The following SRGAP1 variants were observed in gnomAD, a reference collection of about 807,000 sequenced individuals.
The protein encoded by SRGAP1 is SLIT-ROBO Rho GTPase activating protein 1, also known as SLIT-ROBO Rho GTPase-activating protein 1.
In SRGAP1, 43 loss-of-function variants were observed where a neutral mutation model predicts 121.9. The observed-to-expected ratio is 0.35, with a 90% CI of 0.28 to 0.46. The LOEUF (loss-of-function observed/expected upper bound fraction) is 0.46. SRGAP1 is among the 20% of genes least tolerant of loss of function. The probability of loss-of-function intolerance (pLI) is 1.00; values close to 1 mark genes in which losing one functional copy is unlikely to be tolerated. For synonymous variants in SRGAP1, 447 were observed against 485.4 expected (o/e 0.92, Z 1.04); for missense variants, 1,102 against 1,350.9 (o/e 0.82, Z 2.89).
At chr12:64,104,695 G>A (rs534438388) in intron 15 of SRGAP1, among the ~76,000 whole-genome samples, 5 of 152,280 alleles carry the variant, frequency 3.3e-5, no homozygotes, top group Admixed American at 1.3e-4. Flanking sequence ...AGAGGCCTTC[G>A]AGACGAACAG....
At chr12:63,868,057 T>TATATATATA (rs56697634) in intron 1 of SRGAP1, among the ~76,000 whole-genome samples, 24 of 55,936 alleles carry the variant, frequency 4.3e-4, no homozygotes, top group Non-Finnish European at 6.3e-4. Flanking sequence ...TATATATATA[T>TATATATATA]TTTTTTTTTT....
At chr12:64,052,186 A>C (rs2035249773) in intron 6 of SRGAP1, among the ~76,000 whole-genome samples, 1 of 152,150 alleles carries the variant, frequency 6.6e-6, no homozygotes, top group Non-Finnish European at 1.5e-5. Context: ...ATATTGAATT[A>C]TGTCTATGGA....
At chr12:64,135,957 C>T (rs982917960) in intron 21 of SRGAP1, among the ~76,000 whole-genome samples, 5 of 152,186 alleles carry the variant, frequency 3.3e-5, no homozygotes, top group African/African-American at 1.2e-4. Context: ...AACTTGGAGT[C>T]TGATGTTTAA....
rs564842459 is a variant in SRGAP1 at position 64,084,346 on chromosome 12, G to T, written c.1409-2653G>T. ...TGGCTTATATGTTGGGGGGTGTGGC[G>T]AGGGGAAGGAGTGGTCCGTTGTTTT... On this transcript the variant is annotated intron_variant, in intron 10 of 21. Coordinates refer to ENST00000355086, the MANE Select transcript of SRGAP1 (RefSeq NM_020762.4). 6.4e-5 allele frequency among the ~76,000 whole-genome samples: 9 copies of T among 140,634 alleles called. 1 individual carries two copies. The Admixed American group carries it at 6.6e-4, about 10-fold the overall frequency. The allele number at this position is 140,634 out of a possible 152,430, so 92.3% of individuals were successfully genotyped here.
intron 15 of SRGAP1, among the ~76,000 whole-genome samples, chr12:64,105,884 C>T (rs2036337352): frequency 6.6e-6 from 1 of 152,118 alleles, no homozygotes; most frequent in Non-Finnish European, 1.5e-5. Flanking sequence ...TGGGATTTGA[C>T]AAATATTAAA....
At chr12:63,896,181 A>G (rs1213626751) in intron 1 of SRGAP1, among the ~76,000 whole-genome samples, 1 of 152,202 alleles carries the variant, frequency 6.6e-6, no homozygotes, top group Admixed American at 6.5e-5. Context: ...TGGGGGTTAA[A>G]TGATCTATTA....
At chr12:63,945,267 G>GTT (rs1555243104) in intron 1 of SRGAP1, among the ~76,000 whole-genome samples, 2 of 144,954 alleles carry the variant, frequency 1.4e-5, no homozygotes, top group South Asian at 2.2e-4. Context: ...CTTTCTGTTT[G>GTT]TTTTTTTTTT....
chr12:63,977,115 A>C (rs2033116192), intron 1 of SRGAP1, among the ~76,000 whole-genome samples: 1 of 152,050 alleles, frequency 6.6e-6, no homozygotes, highest in South Asian at 2.1e-4. Context: ...CAAAATTTGC[A>C]CCTGGTGTTT....
chr12:64,133,747 C>A (rs2036819665), intron 21 of SRGAP1, among the ~76,000 whole-genome samples: 1 of 152,170 alleles, frequency 6.6e-6, no homozygotes, highest in Non-Finnish European at 1.5e-5. Flanking sequence ...GGCCATGATT[C>A]TCTGTTTTCA....
At chr12:63,975,608 T>G (rs2033072095) in intron 1 of SRGAP1, among the ~76,000 whole-genome samples, 2 of 152,168 alleles carry the variant, frequency 1.3e-5, no homozygotes, top group Non-Finnish European at 2.9e-5. Context: ...CTCATAAGAT[T>G]TCAGAATTTT....
intron 8 of SRGAP1, among the ~76,000 whole-genome samples, chr12:64,078,424 G>C (rs1009233133): frequency 6.6e-6 from 1 of 152,192 alleles, no homozygotes; most frequent in African/African-American, 2.4e-5. Flanking sequence ...TAAAGAGCAA[G>C]AAAGGGCAAA....
intron 8 of SRGAP1, among the ~76,000 whole-genome samples, chr12:64,072,009 G>T (rs1322573232): frequency 1.3e-5 from 2 of 151,778 alleles, no homozygotes; most frequent in Admixed American, 1.3e-4. Flanking sequence ...GAAGGCCATG[G>T]CAGGATGCTC....
intron 1 of SRGAP1, among the ~76,000 whole-genome samples, chr12:63,845,496 C>G (rs1044506883): frequency 2.6e-5 from 4 of 152,152 alleles, no homozygotes; most frequent in Admixed American, 2.6e-4. Context: ...TCATTGCCAT[C>G]TTTCACACTC....
chr12:64,064,759 AT>A (rs1271985996), intron 7 of SRGAP1, among the ~76,000 whole-genome samples: 8 of 152,238 alleles, frequency 5.3e-5, no homozygotes, highest in Middle Eastern at 6.8e-3. Context: ...TTCTTTACTT[AT>A]GTCCGTACAA....
chr12:63,963,928 C>T (rs1019953812), intron 1 of SRGAP1, among the ~76,000 whole-genome samples: 1 of 152,116 alleles, frequency 6.6e-6, no homozygotes, highest in Non-Finnish European at 1.5e-5. Context: ...TTTTTTAAAT[C>T]AACAGGTTGT....
At position 64,038,413 on chromosome 12, in the gene SRGAP1, C is replaced by T. The variant is rs764464077; in HGVS notation, c.490-4377C>T. 11 of 152,054 alleles carry T rather than the reference C, an allele frequency of 7.2e-5. No individual in the cohort carries two copies. In the South Asian group the frequency reaches 8.3e-4, roughly 11 times the overall value. The allele number at this position is 152,054 out of a possible 1,614,324, so 9.4% of individuals were successfully genotyped here. A position where few individuals can be genotyped will look rare whatever the true frequency, so the allele number is the denominator to read the frequency against. ...AATCAAGAGGCATTAAATAATTTCC[C>T]GACACCTAGTAATTGTAGATCCATT... On this transcript the variant is annotated intron_variant, in intron 4 of 21. Transcript: ENST00000355086.
intron 1 of SRGAP1, chr12:63,871,735 A>G: frequency 1.0e-6 from 1 of 1,002,294 alleles, no homozygotes; most frequent in Admixed American, 2.1e-5. Context: ...AAATATTCCA[A>G]AGTTTAGAAC....
intron 1 of SRGAP1, among the ~76,000 whole-genome samples, chr12:63,978,413 CTCTATAGATTAGTCTAT>C (rs2033150273): frequency 6.6e-6 from 1 of 152,170 alleles, no homozygotes; most frequent in Non-Finnish European, 1.5e-5. Context: ...TACTTTCTGT[CTCTATAGATTAGTCTAT>C]TCTGGACCTT....
intron 8 of SRGAP1, among the ~76,000 whole-genome samples, chr12:64,077,064 A>AT (rs1053055074): frequency 6.6e-6 from 1 of 152,222 alleles, no homozygotes; most frequent in African/African-American, 2.4e-5. Context: ...GGCAGAATAT[A>AT]TTTTTTAAAT....
Sources: allele counts gnomAD v4.1 joint callset (sites outside exome capture counted in the v4.1 genomes callset), GRCh38; gene constraint gnomAD v4.1.1; transcripts MANE v1.5; gene names NCBI Gene and HGNC (gene_info 2026-07-23, HGNC 2026-07-21).